Variants in GDAP1 observed in about 807,000 individuals in gnomAD.
GDAP1 encodes the protein ganglioside induced differentiation associated protein 1.
Under a neutral mutation model 40.1 loss-of-function variants are expected in GDAP1, and 34 were observed. The ratio of observed to expected loss-of-function variants is 0.85; its 90% CI spans 0.64 to 1.13. The LOEUF (loss-of-function observed/expected upper bound fraction) is 1.13, where lower values mean the gene tolerates loss of function less well. Ranked by LOEUF, GDAP1 falls within the 50% of genes most tolerant of loss-of-function variation. GDAP1 has a pLI of 0.00. For missense variants in GDAP1, 374 were observed against 433.7 expected (o/e 0.86, Z 1.22); for synonymous variants, 170 against 157.4 (o/e 1.08, Z -0.60).
intron 2 of GDAP1, among the ~76,000 whole-genome samples, chr8:74,357,699 T>C (rs1315617876): frequency 2.6e-5 from 4 of 152,188 alleles, no homozygotes; most frequent in African/African-American, 9.6e-5. Flanking sequence ...ATTTCCACTG[T>C]TGCAATCCCA....
At chr8:74,375,430 A>T (rs1303036737) in intron 2 of GDAP1, among the ~76,000 whole-genome samples, 1 of 152,212 alleles carries the variant, frequency 6.6e-6, no homozygotes, top group Non-Finnish European at 1.5e-5. Context: ...AGTATACGTC[A>T]TACATTATAG....
chr8:74,461,294 A>G (rs1464246614), intron 2 of GDAP1, among the ~76,000 whole-genome samples: 1 of 152,216 alleles, frequency 6.6e-6, no homozygotes, highest in Non-Finnish European at 1.5e-5. Context: ...AAAGCAGAAC[A>G]TTAATGCTCT....
At chr8:74,476,492 T>A (rs534345860) in intron 2 of GDAP1, among the ~76,000 whole-genome samples, 1 of 152,298 alleles carries the variant, frequency 6.6e-6, no homozygotes, top group African/African-American at 2.4e-5. Context: ...AACAAATTCC[T>A]TCAGAATTTG....
chr8:74,377,980 T>A (rs546666801), intron 2 of GDAP1, among the ~76,000 whole-genome samples: 1 of 152,292 alleles, frequency 6.6e-6, no homozygotes, highest in Admixed American at 6.5e-5. Context: ...CTAATATAGA[T>A]GAATTTCAAA....
intron 2 of GDAP1, among the ~76,000 whole-genome samples, chr8:74,392,713 A>G (rs575108384): frequency 3.9e-5 from 6 of 152,304 alleles, no homozygotes; most frequent in African/African-American, 1.4e-4. Flanking sequence ...GTTCTTGCCA[A>G]CCCAATGAGA....
intron 2 of GDAP1, among the ~76,000 whole-genome samples, chr8:74,472,126 G>T (rs965319256): frequency 6.6e-6 from 1 of 152,054 alleles, no homozygotes; most frequent in Non-Finnish European, 1.5e-5. Flanking sequence ...AGTGTCTGTT[G>T]TTCCCTTTTG....
chr8:74,381,537 C>G (rs559752121), intron 2 of GDAP1, among the ~76,000 whole-genome samples: 14 of 152,230 alleles, frequency 9.2e-5, no homozygotes, highest in African/African-American at 3.4e-4. Flanking sequence ...GGGCACATCA[C>G]TTGGGGCCAG....
intron 2 of GDAP1, among the ~76,000 whole-genome samples, chr8:74,401,306 T>C (rs1192221518): frequency 1.3e-5 from 2 of 149,626 alleles, no homozygotes; most frequent in Admixed American, 1.3e-4. Context: ...ATTCATTTCA[T>C]CTTCCATCAC....
rs559264300 is a variant in GDAP1, at chr8:74,364,007, C to T, written c.717C>T (p.Leu239=). The change falls in exon 6 of 6, where the codon CTC becomes CTT. Residue 239 remains leucine, a synonymous_variant. Coordinates refer to ENST00000220822, the MANE Select transcript of GDAP1 (RefSeq NM_018972.4). ...ETPEEGQQPW[L]CGESFTLADV... ...TAGAAGAGGGCCAGCAACCTTGGCTCTGCGGTGAATCCTTCACCCTGGCAG... is the reference window on the plus strand; with the variant it reads ...TAGAAGAGGGCCAGCAACCTTGGCTTTGCGGTGAATCCTTCACCCTGGCAG... The T allele has an allele frequency of 2.5e-6, 4 of 1,614,088 alleles. No homozygotes were observed. The highest frequency in any genetic ancestry group is 1.7e-5 in the Admixed American group (1 of 60,016).
At chr8:74,482,892 T>G (rs768055498) in intron 2 of GDAP1, among the ~76,000 whole-genome samples, 6 of 152,192 alleles carry the variant, frequency 3.9e-5, no homozygotes, top group Non-Finnish European at 7.3e-5. Context: ...TTCCTCTGTT[T>G]TAACAAATGC....
At chr8:74,372,206 G>A (rs1254519413) in intron 2 of GDAP1, among the ~76,000 whole-genome samples, 5 of 152,256 alleles carry the variant, frequency 3.3e-5, no homozygotes, top group Admixed American at 6.5e-5. Flanking sequence ...CTTTGGTATT[G>A]TGAATAGTGC....
chr8:74,455,824 C>A (rs1046034531), intron 2 of GDAP1, among the ~76,000 whole-genome samples: 35 of 151,888 alleles, frequency 2.3e-4, no homozygotes, highest in Non-Finnish European at 4.1e-4. Flanking sequence ...ACTAAATAAT[C>A]ACCATAATAT....
intron 2 of GDAP1, among the ~76,000 whole-genome samples, chr8:74,388,214 C>A (rs1435267484): frequency 6.6e-6 from 1 of 152,074 alleles, no homozygotes; most frequent in East Asian, 1.9e-4. Context: ...TTCTTGTCTT[C>A]TGCTAGCTTT....
chr8:74,479,989 T>G (rs926011047), intron 2 of GDAP1, among the ~76,000 whole-genome samples: 3 of 144,360 alleles, frequency 2.1e-5, no homozygotes, highest in Non-Finnish European at 4.5e-5. Context: ...GGACTCTCTT[T>G]TTTTTTTTTT....
intron 2 of GDAP1, among the ~76,000 whole-genome samples, chr8:74,450,518 A>G (rs935871739): frequency 7.2e-5 from 11 of 151,830 alleles, no homozygotes; most frequent in Non-Finnish European, 1.6e-4. Flanking sequence ...ATGACTGTAT[A>G]TTAGATGTAT....
intron 2 of GDAP1, among the ~76,000 whole-genome samples, chr8:74,485,173 C>T (rs1010752537): frequency 2.0e-5 from 3 of 152,086 alleles, no homozygotes; most frequent in Non-Finnish European, 4.4e-5. Context: ...TTCTGTGTTT[C>T]AGTTATTAAA....
chr8:74,475,410 A>G (rs567658235), intron 2 of GDAP1, among the ~76,000 whole-genome samples: 4 of 152,126 alleles, frequency 2.6e-5, no homozygotes, highest in Admixed American at 1.3e-4. Flanking sequence ...ACTTTTTGAT[A>G]TAGGCATTTA....
In GDAP1 at chr8:74,365,393, T is replaced by G. The variant is rs1038754345; in HGVS notation, c.*1026T>G. The G allele has an allele frequency of 8.8e-6, 4 of 453,802 alleles. No individual in the cohort carries two copies. Among genetic ancestry groups the G allele is most frequent in the Admixed American group, 4.7e-5 (2 of 42,546 alleles). 28.1% of individuals were successfully genotyped at this position (453,802 alleles called of 1,614,324 possible). Reference sequence around the variant, plus strand: ...TGATGCATACCTGTATTCACTGATGTATGTTTAAGGGATTTGGGGGGGATA... The same window carrying G: ...TGATGCATACCTGTATTCACTGATGGATGTTTAAGGGATTTGGGGGGGATA... On this transcript the variant is annotated 3_prime_UTR_variant, in exon 6 of 6. Transcript: ENST00000220822.
At chr8:74,387,555 T>G (rs1586818067) in intron 2 of GDAP1, among the ~76,000 whole-genome samples, 1 of 152,238 alleles carries the variant, frequency 6.6e-6, no homozygotes, top group South Asian at 2.1e-4. Context: ...TGGATAAGCT[T>G]TCTGATGTAC....
Sources: allele counts gnomAD v4.1 joint callset (sites outside exome capture counted in the v4.1 genomes callset), GRCh38; gene constraint gnomAD v4.1.1; transcripts MANE v1.5; gene names NCBI Gene and HGNC (gene_info 2026-07-23, HGNC 2026-07-21).